Variants in EPYC observed in about 807,000 individuals in gnomAD.
EPYC encodes the protein epiphycan, also known as dermatan sulfate proteoglycan 3.
Under a neutral mutation model 30.1 loss-of-function variants are expected in EPYC, and 28 were observed. That is an observed-to-expected ratio of 0.93 (90% confidence interval 0.69 to 1.28). EPYC has a LOEUF of 1.28. EPYC is among the 50% of genes most tolerant of loss of function. The pLI, the probability that EPYC is intolerant of heterozygous loss-of-function variation, is 0.00. For synonymous variants in EPYC, 144 were observed against 141.4 expected (o/e 1.02, Z -0.13); for missense variants, 382 against 383.5 (o/e 1.00, Z 0.03).
At chr12:90,990,660 G>C (rs1439785237) in intron 2 of EPYC, among the ~76,000 whole-genome samples, 1 of 152,070 alleles carries the variant, frequency 6.6e-6, no homozygotes, top group Non-Finnish European at 1.5e-5. Flanking sequence ...ATAGTCAAAA[G>C]ATTGTTGATG....
chr12:90,965,662 G>A (rs1161420113), intron 6 of EPYC, among the ~76,000 whole-genome samples: 3 of 151,994 alleles, frequency 2.0e-5, no homozygotes. Flanking sequence ...TTATTTATTA[G>A]TTCAAATACT....
intron 2 of EPYC, among the ~76,000 whole-genome samples, chr12:90,989,522 T>A (rs968678413): frequency 1.4e-4 from 21 of 152,156 alleles, no homozygotes; most frequent in Admixed American, 9.2e-4. Flanking sequence ...TGCTTTTTTT[T>A]AAATCTATCC....
At chr12:90,975,538 A>C (rs928757843) in intron 3 of EPYC, among the ~76,000 whole-genome samples, 4 of 152,016 alleles carry the variant, frequency 2.6e-5, no homozygotes, top group Non-Finnish European at 5.9e-5. Context: ...AGTACTTTAG[A>C]AACAAAAATT....
At chr12:90,987,631 C>CT (rs1487827004) in intron 2 of EPYC, among the ~76,000 whole-genome samples, 10 of 152,116 alleles carry the variant, frequency 6.6e-5, no homozygotes, top group African/African-American at 1.4e-4. Flanking sequence ...TGTGCTTCAA[C>CT]TTTTTTAGAT....
intron 1 of EPYC, among the ~76,000 whole-genome samples, chr12:91,003,079 G>A (rs1383530515): frequency 6.6e-6 from 1 of 152,064 alleles, no homozygotes; most frequent in African/African-American, 2.4e-5. Flanking sequence ...GATCCACAGT[G>A]TGGCTTAGGC....
chr12:90,993,628 A>G (rs1362946550), intron 2 of EPYC, among the ~76,000 whole-genome samples: 1 of 151,812 alleles, frequency 6.6e-6, no homozygotes, highest in Non-Finnish European at 1.5e-5. Context: ...TATGTTCCCA[A>G]CTGTTATTTT....
At chr12:90,993,011 G>A (rs2120856722) in intron 2 of EPYC, among the ~76,000 whole-genome samples, 1 of 32,354 alleles carries the variant, frequency 3.1e-5, no homozygotes, top group Middle Eastern at 0.012. Flanking sequence ...CAGAGTCAAG[G>A]GACATAAAAA....
At chr12:90,984,816 G>GCTAT (rs991152402) in intron 2 of EPYC, among the ~76,000 whole-genome samples, 1 of 151,926 alleles carries the variant, frequency 6.6e-6, no homozygotes, top group Non-Finnish European at 1.5e-5. Flanking sequence ...AAACCCCCGG[G>GCTAT]CTATCGGTTA....
chr12:90,970,942 G>A (rs1183378969), intron 5 of EPYC, among the ~76,000 whole-genome samples: 2 of 152,234 alleles, frequency 1.3e-5, no homozygotes, highest in African/African-American at 4.8e-5. Context: ...AAGAAAGCCA[G>A]TTGGTTACTG....
chr12:90,987,373 A>G (rs1042169585), intron 2 of EPYC, among the ~76,000 whole-genome samples: 1 of 149,348 alleles, frequency 6.7e-6, no homozygotes, highest in Non-Finnish European at 1.5e-5. Flanking sequence ...TCACCCTAAA[A>G]CCAATATATA....
intron 3 of EPYC, among the ~76,000 whole-genome samples, chr12:90,974,413 T>A (rs1877134006): frequency 6.6e-6 from 1 of 152,070 alleles, no homozygotes; most frequent in East Asian, 1.9e-4. Flanking sequence ...TTGCCACAAA[T>A]GTTGAAAATG....
rs1280618547 is a variant in EPYC at position 90,999,136 on chromosome 12, T to C, written c.165+3265A>G. 2.6e-5 allele frequency among the ~76,000 whole-genome samples: 4 copies of C among 152,062 alleles called. No individual in the cohort carries two copies. The East Asian group carries it at 7.7e-4, about 29-fold the overall frequency. ...TTTTAGGTGGTCTCCCTTTCTTAAA[T>C]TCAACTGTGCCATATAGTATAGCCC... On this transcript the variant is annotated intron_variant, in intron 2 of 6. Coordinates refer to ENST00000261172, the MANE Select transcript of EPYC (RefSeq NM_004950.5).
chr12:90,998,010 A>C (rs1370132605), intron 2 of EPYC, among the ~76,000 whole-genome samples: 1 of 152,092 alleles, frequency 6.6e-6, no homozygotes, highest in Non-Finnish European at 1.5e-5. Context: ...CAGCATCACT[A>C]TTATGATATA....
intron 2 of EPYC, among the ~76,000 whole-genome samples, chr12:90,989,973 C>A (rs2120850664): frequency 6.6e-6 from 1 of 152,150 alleles, no homozygotes; most frequent in Non-Finnish European, 1.5e-5. Flanking sequence ...TTCATATTCC[C>A]TACCCCCTTA....
chr12:90,994,725 A>G (rs1402738067), intron 2 of EPYC, among the ~76,000 whole-genome samples: 1 of 152,192 alleles, frequency 6.6e-6, no homozygotes, highest in Non-Finnish European at 1.5e-5. Flanking sequence ...CTATTGAGAA[A>G]GCCCAGACCT....
intron 2 of EPYC, among the ~76,000 whole-genome samples, chr12:90,988,844 G>A (rs975545228): frequency 5.9e-5 from 9 of 152,080 alleles, no homozygotes; most frequent in East Asian, 1.9e-4. Context: ...GGACTTCACC[G>A]TTTTCAGCTT....
chr12:91,004,724 C>A (rs1275951134), intron 1 of EPYC, among the ~76,000 whole-genome samples: 2 of 152,018 alleles, frequency 1.3e-5, no homozygotes, highest in Admixed American at 6.6e-5. Context: ...TCTGTCATGA[C>A]TACTGAGATT....
intron 3 of EPYC, among the ~76,000 whole-genome samples, chr12:90,973,581 G>A (rs1279865370): frequency 6.6e-6 from 1 of 152,138 alleles, no homozygotes; most frequent in African/African-American, 2.4e-5. Context: ...GACCTAGTCT[G>A]GAAGTCATGG....
chr12:90,998,602 A>C (rs1193981745), intron 2 of EPYC, among the ~76,000 whole-genome samples: 2 of 152,144 alleles, frequency 1.3e-5, no homozygotes, highest in African/African-American at 2.4e-5. Context: ...GGATGGTTTG[A>C]CTTATTGACC....
Sources: allele counts gnomAD v4.1 joint callset (sites outside exome capture counted in the v4.1 genomes callset), GRCh38; gene constraint gnomAD v4.1.1; transcripts MANE v1.5; gene names NCBI Gene and HGNC (gene_info 2026-07-23, HGNC 2026-07-21).